Variants in CYRIB observed in about 807,000 individuals in gnomAD.
CYRIB encodes CYFIP related Rac1 interactor B, also known as CYFIP-related Rac1 interactor B.
A neutral mutation model predicts 44.2 loss-of-function variants in CYRIB; 8 were observed. The observed-to-expected ratio is 0.18, with a 90% CI of 0.11 to 0.33. CYRIB has a LOEUF of 0.33. Among genes scored for constraint, CYRIB ranks in the 10% least tolerant of loss-of-function variants. The pLI is 1.00. For synonymous variants in CYRIB, 131 were observed against 127.2 expected (o/e 1.03, Z -0.20); for missense variants, 185 against 382.8 (o/e 0.48, Z 4.31).
chr8:129,954,793 C>G (rs1433368256), intron 2 of CYRIB, among the ~76,000 whole-genome samples: 1 of 152,138 alleles, frequency 6.6e-6, no homozygotes. Flanking sequence ...ACTGAGGCAT[C>G]AGTAAAGTCC....
At chr8:129,908,043 G>C (rs1201189065) in intron 1 of CYRIB, among the ~76,000 whole-genome samples, 1 of 152,062 alleles carries the variant, frequency 6.6e-6, no homozygotes, top group East Asian at 1.9e-4. Context: ...ATAACTCCAT[G>C]GAAAACTAAG....
chr8:129,941,993 T>A (rs1463221472), upstream of CYRIB, among the ~76,000 whole-genome samples: 4 of 152,226 alleles, frequency 2.6e-5, no homozygotes, highest in Non-Finnish European at 5.9e-5. Flanking sequence ...GACATGACGC[T>A]GGCCTAGGGA....
At chr8:130,012,634 T>C (rs2060984) in intron 1 of CYRIB, among the ~76,000 whole-genome samples, 81,777 of 151,994 alleles carry the variant, frequency 0.54, 23,139 homozygotes, top group African/African-American at 0.72. Context: ...ATTTGAAAGA[T>C]GAAGAGAAAG....
intron 2 of CYRIB, among the ~76,000 whole-genome samples, chr8:129,960,170 A>G (rs1192680769): frequency 6.6e-6 from 1 of 152,204 alleles, no homozygotes; most frequent in Non-Finnish European, 1.5e-5. Context: ...CACACTTCCA[A>G]TTATTTAACT....
chr8:129,964,740 C>T (rs184423078), intron 2 of CYRIB, among the ~76,000 whole-genome samples: 1 of 152,218 alleles, frequency 6.6e-6, no homozygotes, highest in Non-Finnish European at 1.5e-5. Context: ...AAAAGTGAGC[C>T]AGGCGTGGTG....
chr8:129,857,654 AGGG>A (rs1365545438), intron 5 of CYRIB, among the ~76,000 whole-genome samples: 1 of 152,170 alleles, frequency 6.6e-6, no homozygotes, highest in Non-Finnish European at 1.5e-5. Context: ...CATGGACTAT[AGGG>A]GTATGGATGG....
intron 4 of CYRIB, among the ~76,000 whole-genome samples, chr8:129,867,687 C>CA (rs112417761): frequency 1.4e-4 from 22 of 151,986 alleles, no homozygotes; most frequent in African/African-American, 4.8e-4. Context: ...GTGTATCAGA[C>CA]ACGGTGCTAT....
chr8:129,843,266 G>A (rs893763644), intron 11 of CYRIB, among the ~76,000 whole-genome samples: 7 of 152,234 alleles, frequency 4.6e-5, no homozygotes, highest in African/African-American at 1.7e-4. Context: ...GGAGTTTGGA[G>A]ATTATTTTAA....
chr8:129,882,610 G>A (rs956329365), intron 2 of CYRIB, among the ~76,000 whole-genome samples: 3 of 152,164 alleles, frequency 2.0e-5, no homozygotes, highest in Non-Finnish European at 4.4e-5. Context: ...AGGTATGCAT[G>A]GAGAAGAGGG....
chr8:129,896,805 TCTC>T (rs1246625246), intron 2 of CYRIB: 7 of 152,122 alleles, frequency 4.6e-5, no homozygotes, highest in Non-Finnish European at 8.8e-5. Context: ...CATTCTTTCT[TCTC>T]CTCGGAGATT....
chr8:129,857,088 A>G (rs896126349), intron 5 of CYRIB, among the ~76,000 whole-genome samples: 2 of 152,236 alleles, frequency 1.3e-5, no homozygotes, highest in African/African-American at 2.4e-5. Context: ...TAATAACTCT[A>G]AATGACAGCT....
intron 10 of CYRIB, among the ~76,000 whole-genome samples, chr8:129,847,506 G>A (rs950574738): frequency 2.0e-5 from 3 of 152,048 alleles, no homozygotes; most frequent in Non-Finnish European, 4.4e-5. Flanking sequence ...GAATGAGTAT[G>A]TTACTAAGGA....
intron 2 of CYRIB, among the ~76,000 whole-genome samples, chr8:129,960,623 G>C (rs2095187538): frequency 6.8e-6 from 1 of 147,588 alleles, no homozygotes; most frequent in Middle Eastern, 3.6e-3. Flanking sequence ...TTCCAGCCTG[G>C]GCGGCAGAGC....
intron 11 of CYRIB, chr8:129,844,370 T>C (rs888755438): frequency 6.6e-6 from 1 of 152,180 alleles, no homozygotes; most frequent in Non-Finnish European, 1.5e-5. Flanking sequence ...AAAAGGCCAA[T>C]ATTATCTAAT....
chr8:129,935,080 C>T (rs774486134), intron 1 of CYRIB, among the ~76,000 whole-genome samples: 3 of 152,164 alleles, frequency 2.0e-5, no homozygotes, highest in Non-Finnish European at 4.4e-5. Flanking sequence ...ACCTGCATCT[C>T]GTTATTGGGC....
chr8:129,927,191 C>A (rs1173273140), intron 1 of CYRIB, among the ~76,000 whole-genome samples: 1 of 152,060 alleles, frequency 6.6e-6, no homozygotes, highest in Admixed American at 6.5e-5. Context: ...ACTTGGGAGG[C>A]TGAGGCAGGA....
intron 1 of CYRIB, among the ~76,000 whole-genome samples, chr8:130,001,094 C>A (rs2096896853): frequency 6.6e-6 from 1 of 152,192 alleles, no homozygotes; most frequent in Non-Finnish European, 1.5e-5. Context: ...GCATCACACA[C>A]CATAAGAGTC....
chr8:129,998,326 T>C (rs2096829651), intron 1 of CYRIB, among the ~76,000 whole-genome samples: 1 of 151,928 alleles, frequency 6.6e-6, no homozygotes, highest in Admixed American at 6.6e-5. Flanking sequence ...TTATGAAATA[T>C]ATGGGGGTCT....
At chr8:129,843,187 A>C (rs1185351184) in intron 11 of CYRIB, among the ~76,000 whole-genome samples, 1 of 152,170 alleles carries the variant, frequency 6.6e-6, no homozygotes, top group Non-Finnish European at 1.5e-5. Context: ...GAAGTATAAC[A>C]AGAAGAGGCT....
Sources: allele counts gnomAD v4.1 joint callset (sites outside exome capture counted in the v4.1 genomes callset), GRCh38; gene constraint gnomAD v4.1.1; transcripts MANE v1.5; gene names NCBI Gene and HGNC (gene_info 2026-07-23, HGNC 2026-07-21).